SGCG: variants seen among roughly 807,000 people sequenced by gnomAD.
SGCG encodes gamma-sarcoglycan.
Under a neutral mutation model 29.3 loss-of-function variants are expected in SGCG, and 26 were observed. The ratio of observed to expected loss-of-function variants is 0.89; its 90% CI spans 0.65 to 1.23. The LOEUF is 1.23. Among genes scored for constraint, SGCG ranks in the 50% most tolerant of loss-of-function variants. SGCG has a pLI of 0.00. For missense variants in SGCG, 353 were observed against 356.0 expected (o/e 0.99, Z 0.07); for synonymous variants, 145 against 129.7 (o/e 1.12, Z -0.80).
At chr13:23,168,430 G>T in the SGCG span, among the ~76,000 whole-genome samples, 1 of 152,240 alleles carries the variant, frequency 6.6e-6, no homozygotes, top group Non-Finnish European at 1.5e-5. Flanking sequence ...GTTCATGGTG[G>T]TATCCTCAGC....
chr13:23,265,254 A>G (rs946237211), intron 4 of SGCG, among the ~76,000 whole-genome samples: 2 of 150,664 alleles, frequency 1.3e-5, no homozygotes, highest in East Asian at 1.9e-4. Flanking sequence ...ACAGATCAGC[A>G]AGAAAAAAAA....
At chr13:23,323,100 A>G (rs1459636311) in intron 7 of SGCG, among the ~76,000 whole-genome samples, 2 of 152,154 alleles carry the variant, frequency 1.3e-5, no homozygotes, top group African/African-American at 4.8e-5. Context: ...GAACAGCACC[A>G]GAGTGTGTGG....
At chr13:23,229,261 C>T (rs949640508) in intron 2 of SGCG, among the ~76,000 whole-genome samples, 8 of 152,066 alleles carry the variant, frequency 5.3e-5, no homozygotes, top group Non-Finnish European at 7.3e-5. Context: ...ATGAACACAA[C>T]GCATGCATGT....
chr13:23,237,659 A>AC (rs113084068), intron 3 of SGCG, among the ~76,000 whole-genome samples: 3 of 152,354 alleles, frequency 2.0e-5, no homozygotes, highest in African/African-American at 7.2e-5. Context: ...GCCCTAAGCC[A>AC]CCACTGAAAG....
Position 23,212,422 on chromosome 13 carries a change from C to T in SGCG, c.195+8533C>T, listed in dbSNP as rs576052709. On this transcript the variant is annotated intron_variant, in intron 2 of 7. Transcript: ENST00000218867. ...CTGGTTGTTAAATGTCTGCTAACCC[C>T]GTAGGATCATGTCAGTTGAGCCTGG... Among the ~76,000 whole-genome samples the T allele has an allele frequency of 2.9e-4, 35 of 119,504 alleles. No homozygotes were observed. In the South Asian group the frequency reaches 7.6e-3, roughly 26 times the overall value. The allele number at this position is 119,504 out of a possible 152,430, so 78.4% of individuals were successfully genotyped here. A position where few individuals can be genotyped will look rare whatever the true frequency, so the allele number is the denominator to read the frequency against.
intron 1 of SGCG, among the ~76,000 whole-genome samples, chr13:23,188,252 G>A (rs1347389693): frequency 2.0e-5 from 3 of 149,070 alleles, no homozygotes; most frequent in South Asian, 4.3e-4. Context: ...CACTAAGTTG[G>A]CAGGTTCAGA....
intron 2 of SGCG, 105 bp downstream of exon 2, chr13:23,203,994 C>A (rs756236025): frequency 1.4e-5 from 12 of 874,990 alleles, no homozygotes; most frequent in East Asian, 2.4e-5. Flanking sequence ...ACATTCATTT[C>A]TTTGCTGTCT....
At chr13:23,169,653 C>G in the SGCG span, among the ~76,000 whole-genome samples, 2 of 151,092 alleles carry the variant, frequency 1.3e-5, no homozygotes, top group African/African-American at 4.9e-5. Flanking sequence ...CACTCCAGCC[C>G]AGCAACAGAG....
chr13:23,301,657 C>T (rs1431560800), intron 6 of SGCG, among the ~76,000 whole-genome samples: 2 of 152,142 alleles, frequency 1.3e-5, no homozygotes, highest in Non-Finnish European at 2.9e-5. Context: ...AAGGCCGAGG[C>T]GGGTGGATTA....
intron 2 of SGCG, chr13:23,217,336 T>A (rs1878469897): frequency 6.6e-6 from 1 of 152,158 alleles, no homozygotes; most frequent in African/African-American, 2.4e-5. Flanking sequence ...CATTTCCAAT[T>A]ATAATAAATT....
chr13:23,168,256 AAT>A, the SGCG span, among the ~76,000 whole-genome samples: 1 of 152,160 alleles, frequency 6.6e-6, no homozygotes, highest in Non-Finnish European at 1.5e-5. Flanking sequence ...TTATATTTAA[AAT>A]ATACTCCTAG....
At chr13:23,265,580 A>C (rs527322779) in intron 4 of SGCG, among the ~76,000 whole-genome samples, 2 of 152,314 alleles carry the variant, frequency 1.3e-5, no homozygotes, top group Admixed American at 1.3e-4. Context: ...CCGTCTCAAA[A>C]AAAATAAATA....
chr13:23,227,544 C>T (rs1463320850), intron 2 of SGCG, among the ~76,000 whole-genome samples: 1 of 152,150 alleles, frequency 6.6e-6, no homozygotes, highest in African/African-American at 2.4e-5. Context: ...CTCAAATGTC[C>T]TTGAATGGAC....
chr13:23,206,754 T>G (rs1877994909), intron 2 of SGCG, among the ~76,000 whole-genome samples: 1 of 152,160 alleles, frequency 6.6e-6, no homozygotes, highest in Non-Finnish European at 1.5e-5. Flanking sequence ...AGAAATAAAC[T>G]TAACTAAGAA....
chr13:23,315,823 GAT>G (rs1266387335), intron 6 of SGCG, among the ~76,000 whole-genome samples: 1 of 152,216 alleles, frequency 6.6e-6, no homozygotes, highest in Non-Finnish European at 1.5e-5. Flanking sequence ...TTGGGGAAGA[GAT>G]ATGTGGATGG....
intron 2 of SGCG, among the ~76,000 whole-genome samples, chr13:23,220,431 C>CG (rs1878613752): frequency 6.6e-6 from 1 of 151,946 alleles, no homozygotes; most frequent in South Asian, 2.1e-4. Flanking sequence ...GCCTGGGCAA[C>CG]GAGCGAAACT....
chr13:23,324,511 G>C lies in SGCG; in HGVS notation c.846G>C (p.Thr282=), dbSNP rs778036404. The C allele has an allele frequency of 1.2e-6, 2 of 1,612,832 alleles. No individual in the cohort carries two copies. Among genetic ancestry groups the C allele is most frequent in the Middle Eastern group, 1.9e-4 (1 of 5,304 alleles). Residue 282 remains threonine, a synonymous_variant, in exon 8 of 8, where the codon ACG becomes ACC. Coordinates refer to ENST00000218867, the MANE Select transcript of SGCG (RefSeq NM_000231.3). ...TGTCTGTGGCCGGTGTGAGCACCAC[G>C]TGCCAGGAGCACAACCACATCTGCC... is the stretch of plus-strand genomic sequence containing the variant. ...LYLSVAGVST[T]CQEHNHICL
rs566564515 is a variant in SGCG at position 23,311,856 on chromosome 13, AC to A, written c.579-8775del. 2.6e-5 allele frequency among the ~76,000 whole-genome samples: 4 copies of A among 151,776 alleles called. No homozygotes were observed. The East Asian group carries it at 7.7e-4, about 29-fold the overall frequency. On this transcript the variant is annotated intron_variant, in intron 6 of 7. Coordinates refer to ENST00000218867, the MANE Select transcript of SGCG (RefSeq NM_000231.3). ...TTGTTCTTTCTCCTCTGACCTCCAA[AC>A]CCCCCACCGTGACCCTTTCTGGACA... is the stretch of plus-strand genomic sequence containing the variant.
chr13:23,320,871 G>T lies in SGCG; in HGVS notation c.702+111G>T. 4 of 1,160,784 alleles carry T rather than the reference G, an allele frequency of 3.4e-6. No individual in the cohort carries two copies. In the South Asian group the frequency reaches 3.7e-5, roughly 11 times the overall value. 71.9% of individuals were successfully genotyped at this position (1,160,784 alleles called of 1,614,324 possible). A position where few individuals can be genotyped will look rare whatever the true frequency, so the allele number is the denominator to read the frequency against. ...TTCTAGTAGTTTGTAGGAAAACATT[G>T]TGAAGGTCATAGAGTAGCAAATGTA... On this transcript the variant is annotated intron_variant, in intron 7 of 7. Coordinates refer to ENST00000218867, the MANE Select transcript of SGCG (RefSeq NM_000231.3).
Sources: gnomAD v4.1 joint callset for allele counts (sites outside exome capture counted in the v4.1 genomes callset) on GRCh38, gnomAD v4.1.1 for gene constraint, MANE v1.5 for transcripts, NCBI Gene and HGNC (gene_info 2026-07-23, HGNC 2026-07-21) for gene names.